The following IGF1R variants were observed in gnomAD, a reference collection of about 807,000 sequenced individuals.
IGF1R encodes the protein insulin like growth factor 1 receptor.
In IGF1R, 44 loss-of-function variants were observed where a neutral mutation model predicts 144.6. The ratio of observed to expected loss-of-function variants is 0.30; its 90% CI spans 0.24 to 0.39. The LOEUF is 0.39. IGF1R is among the 10% of genes least tolerant of loss of function. IGF1R has a pLI of 1.00. For synonymous variants in IGF1R, 795 were observed against 722.8 expected, an observed-to-expected ratio of 1.10 and a Z score of -1.60; for missense variants, 1,355 against 1,833.7, an observed-to-expected ratio of 0.74 and a Z score of 4.77.
intron 2 of IGF1R, among the ~76,000 whole-genome samples, chr15:98,889,501 A>G (rs1314244344): frequency 6.6e-6 from 1 of 152,254 alleles, no homozygotes; most frequent in Non-Finnish European, 1.5e-5. Flanking sequence ...AAAAGTAAAG[A>G]AAATATCTTA....
intron 2 of IGF1R, among the ~76,000 whole-genome samples, chr15:98,847,317 G>A (rs908014849): frequency 6.6e-6 from 1 of 152,122 alleles, no homozygotes. Context: ...CTTGGTATAA[G>A]TATGGAAAGC....
rs1003012039 is a variant in IGF1R, at chr15:98,648,766, C to T, written c.-816C>T. ...CCGGATCCCCCCGCGCCCTCCACGC[C>T]CCTCCCGCGCGGGGGCAGCTCCACG... is the stretch of plus-strand genomic sequence containing the variant. On this transcript the variant is annotated 5_prime_UTR_variant, in exon 1 of 21. Coordinates refer to ENST00000650285, the MANE Select transcript of IGF1R (RefSeq NM_000875.5). 2.0e-5 allele frequency among the ~76,000 whole-genome samples: 3 copies of T among 146,906 alleles called. No individual in the cohort carries two copies. The highest frequency in any genetic ancestry group is 2.0e-4 in the East Asian group (1 of 4,960).
chr15:98,870,469 A>G (rs772442184), intron 2 of IGF1R, among the ~76,000 whole-genome samples: 2 of 152,244 alleles, frequency 1.3e-5, no homozygotes, highest in Admixed American at 1.3e-4. Flanking sequence ...AGGCAGGTCC[A>G]GAGTGCAAGG....
intron 10 of IGF1R, among the ~76,000 whole-genome samples, chr15:98,917,972 A>G (rs1464922882): frequency 6.6e-6 from 1 of 152,236 alleles, no homozygotes; most frequent in Non-Finnish European, 1.5e-5. Flanking sequence ...TACCCTTAAA[A>G]TGATTAAAAT....
intron 2 of IGF1R, among the ~76,000 whole-genome samples, chr15:98,776,681 C>T (rs2055724748): frequency 6.6e-6 from 1 of 152,178 alleles, no homozygotes; most frequent in South Asian, 2.1e-4. Context: ...TGCTGGGCGG[C>T]CCTCACCTCC....
chr15:98,846,329 C>T (rs1243347781), intron 2 of IGF1R, among the ~76,000 whole-genome samples: 3 of 152,144 alleles, frequency 2.0e-5, no homozygotes, highest in Non-Finnish European at 2.9e-5. Context: ...ATCAAGGTAT[C>T]ATTGGATGCA....
At chr15:98,664,581 C>G (rs2052681264) in intron 1 of IGF1R, among the ~76,000 whole-genome samples, 2 of 150,606 alleles carry the variant, frequency 1.3e-5, no homozygotes, top group Non-Finnish European at 2.9e-5. Flanking sequence ...AGGAGAATCA[C>G]TTGAACCTGG....
chr15:98,960,038 T>G lies in IGF1R; in HGVS notation c.*2596T>G, dbSNP rs529310491. ...ATGGGACAGTTCTTGATTTTTTGGG[T>G]TTTTTTTCCCCCAAACATTTATCTA... On this transcript the variant is annotated 3_prime_UTR_variant, in exon 21 of 21. Coordinates refer to ENST00000650285, the MANE Select transcript of IGF1R (RefSeq NM_000875.5). 6.4e-4 allele frequency: 150 copies of G among 233,036 alleles called. No individual in the cohort carries two copies. The East Asian group carries it at 8.3e-3, about 13-fold the overall frequency. 14.4% of individuals were successfully genotyped at this position (233,036 alleles called of 1,614,324 possible). A position where few individuals can be genotyped will look rare whatever the true frequency, so the allele number is the denominator to read the frequency against.
chr15:98,732,564 A>C (rs887821932), intron 2 of IGF1R, among the ~76,000 whole-genome samples: 1 of 152,150 alleles, frequency 6.6e-6, no homozygotes, highest in African/African-American at 2.4e-5. Flanking sequence ...TGGAGTGAGC[A>C]TGGGGAAGGG....
chr15:98,794,676 A>C (rs542229518), intron 2 of IGF1R, among the ~76,000 whole-genome samples: 1 of 152,338 alleles, frequency 6.6e-6, no homozygotes, highest in South Asian at 2.1e-4. Flanking sequence ...ACTGCTGTAC[A>C]AATGTTTGCT....
intron 3 of IGF1R, among the ~76,000 whole-genome samples, chr15:98,895,020 C>CAAAAAAAAAAAAA (rs368393677): frequency 1.2e-4 from 13 of 112,510 alleles, no homozygotes; most frequent in African/African-American, 4.3e-4. Context: ...GACCCTGTCT[C>CAAAAAAAAAAAAA]AAAAAAAAAA....
At chr15:98,796,047 C>A (rs1411457755) in intron 2 of IGF1R, among the ~76,000 whole-genome samples, 2 of 152,162 alleles carry the variant, frequency 1.3e-5, no homozygotes, top group African/African-American at 4.8e-5. Flanking sequence ...TCTGGCTGAT[C>A]CCAGGCAGGC....
intron 2 of IGF1R, among the ~76,000 whole-genome samples, chr15:98,856,316 A>G (rs773886512): frequency 3.9e-5 from 6 of 152,204 alleles, no homozygotes; most frequent in Non-Finnish European, 7.4e-5. Context: ...CATCGTCCAT[A>G]GTCTTCACCA....
In IGF1R at chr15:98,963,982, C is replaced by A. The variant is rs1373715626; in HGVS notation, c.*6540C>A. ...GAAACTATTTGGGTTTTGTTTTCAA[C>A]TTTTCATTTGGATGTTTGGCGTTGC... On this transcript the variant is annotated 3_prime_UTR_variant, in exon 21 of 21. Coordinates refer to ENST00000650285, the MANE Select transcript of IGF1R (RefSeq NM_000875.5). 3 of 233,194 alleles carry A rather than the reference C, an allele frequency of 1.3e-5. No homozygotes were observed. The highest frequency in any genetic ancestry group is 6.6e-5 in the African/African-American group (3 of 45,300). The allele number at this position is 233,194 out of a possible 1,614,324, so 14.4% of individuals were successfully genotyped here. A position where few individuals can be genotyped will look rare whatever the true frequency, so the allele number is the denominator to read the frequency against.
At chr15:98,652,334 A>G (rs1160008459) in intron 1 of IGF1R, among the ~76,000 whole-genome samples, 2 of 152,200 alleles carry the variant, frequency 1.3e-5, no homozygotes, top group Non-Finnish European at 2.9e-5. Context: ...TCATCTTTCT[A>G]CCCCAGGCAT....
intron 18 of IGF1R, among the ~76,000 whole-genome samples, chr15:98,941,645 G>A (rs1228322792): frequency 2.0e-5 from 3 of 152,170 alleles, no homozygotes; most frequent in Non-Finnish European, 4.4e-5. Flanking sequence ...GGCTCAAGAT[G>A]TTTTCCCAAT....
At chr15:98,943,147 T>G in intron 19 of IGF1R, 95 bp downstream of exon 19, 1 of 1,418,406 alleles carries the variant, frequency 7.1e-7, no homozygotes, top group Non-Finnish European at 9.9e-7. Context: ...CTCTGTTCAT[T>G]GTTACCCGTT....
rs566012507 is a variant in IGF1R at position 98,749,634 on chromosome 15, G to A, written c.640+41527G>A. Reference sequence around the variant, plus strand: ...TTGTAATTAGAATGTAATAGCAATCGTCTACCAGATGAGCTGACATTGTAA... The same window carrying A: ...TTGTAATTAGAATGTAATAGCAATCATCTACCAGATGAGCTGACATTGTAA... On this transcript the variant is annotated intron_variant, in intron 2 of 20. Coordinates refer to ENST00000650285, the MANE Select transcript of IGF1R (RefSeq NM_000875.5). 3.1e-4 allele frequency among the ~76,000 whole-genome samples: 47 copies of A among 152,214 alleles called. No homozygotes were observed. The South Asian group carries it at 5.6e-3, about 18-fold the overall frequency.
intron 1 of IGF1R, among the ~76,000 whole-genome samples, chr15:98,690,788 C>T (rs151293189): frequency 1.3e-5 from 2 of 152,220 alleles, no homozygotes; most frequent in East Asian, 3.9e-4. Context: ...GGCATTTTTT[C>T]CATGTGGTTA....
Sources: allele counts gnomAD v4.1 joint callset (sites outside exome capture counted in the v4.1 genomes callset), GRCh38; gene constraint gnomAD v4.1.1; transcripts MANE v1.5; gene names NCBI Gene and HGNC (gene_info 2026-07-23, HGNC 2026-07-21).